Variants in BTNL8 observed in about 807,000 individuals in gnomAD.
BTNL8 encodes butyrophilin-like protein 8.
BTNL8 carries 22 observed loss-of-function variants against 36.1 expected under a neutral mutation model. The observed-to-expected ratio is 0.61, with a 90% CI of 0.44 to 0.87. The LOEUF is 0.87. BTNL8 is among the 40% of genes least tolerant of loss of function. The pLI is 0.00. For synonymous variants in BTNL8, 203 were observed against 235.6 expected (o/e 0.86, Z 1.27); for missense variants, 526 against 616.9 (o/e 0.85, Z 1.56).
intron 3 of BTNL8, among the ~76,000 whole-genome samples, chr5:180,928,707 G>T (rs1758222031): frequency 6.6e-6 from 1 of 152,126 alleles, no homozygotes; most frequent in Admixed American, 6.5e-5. Flanking sequence ...AAGATCAAAA[G>T]AGACAAAGAA....
rs372942569 is a variant in BTNL8, at chr5:180,950,402, G to A, written c.1361G>A (p.Gly454Glu). 26 of 1,462,892 alleles carry A rather than the reference G, an allele frequency of 1.8e-5. 4 individuals are homozygous for A. The African/African-American group carries it at 3.3e-4, about 19-fold the overall frequency. The allele number at this position is 1,462,892 out of a possible 1,614,324, so 90.6% of individuals were successfully genotyped here. A position where few individuals can be genotyped will look rare whatever the true frequency, so the allele number is the denominator to read the frequency against. The change falls in exon 8 of 8, where the codon GGA (glycine) becomes GAA (glutamate). Residue 454 changes from glycine (G) to glutamate (E), a missense_variant. Coordinates refer to ENST00000340184, the MANE Select transcript of BTNL8 (RefSeq NM_001040462.3). ...IEYPSYNEQN[G>E]TPIVICPVTQ... ...TATCCGTCCTATAATGAGCAAAATG[G>A]AACTCCCATAGTCATCTGCCCAGTC... is the stretch of plus-strand genomic sequence containing the variant.
rs139389914 is a variant in BTNL8, at chr5:180,911,980, G to T, written c.673+366G>T. ...AGATTCACATTTGAATTGGTAAACT[G>T]AGTAAAGAAGATTGCCCTCCATAAT... is the stretch of plus-strand genomic sequence containing the variant. On this transcript the variant is annotated intron_variant, in intron 3 of 7. Transcript: ENST00000340184. 4.1e-3 allele frequency among the ~76,000 whole-genome samples: 628 copies of T among 152,314 alleles called. 7 individuals carry two copies. Among genetic ancestry groups the T allele is most frequent in the African/African-American group, 0.015 (603 of 41,566 alleles).
At chr5:180,922,432 C>A (rs192412030) in intron 3 of BTNL8, among the ~76,000 whole-genome samples, 1 of 151,640 alleles carries the variant, frequency 6.6e-6, no homozygotes, top group Non-Finnish European at 1.5e-5. Flanking sequence ...TTAATTTCTG[C>A]CTTAATTTCA....
intron 1 of BTNL8, among the ~76,000 whole-genome samples, chr5:180,905,110 C>T (rs1193228249): frequency 6.6e-6 from 1 of 151,106 alleles, no homozygotes; most frequent in African/African-American, 2.5e-5. Flanking sequence ...GGTACCAGTT[C>T]CTCCTTGTAC....
At position 180,949,376 on chromosome 5, in the gene BTNL8, C is replaced by T. The variant is rs976515008; in HGVS notation, c.862+111C>T. ...CAGAGTGATGCTGAGACCCATCCTG[C>T]CTGCAGATGGAGAAACTGGATGCTT... On this transcript the variant is annotated intron_variant, in intron 7 of 7. Coordinates refer to ENST00000340184, the MANE Select transcript of BTNL8 (RefSeq NM_001040462.3). 4.3e-6 allele frequency: 6 copies of T among 1,384,908 alleles called. 2 individuals are homozygous for T. In the Admixed American group the frequency reaches 1.3e-4, roughly 29 times the overall value. The allele number at this position is 1,384,908 out of a possible 1,614,324, so 85.8% of individuals were successfully genotyped here.
At chr5:180,925,473 C>T (rs934373196) in intron 3 of BTNL8, among the ~76,000 whole-genome samples, 1 of 152,178 alleles carries the variant, frequency 6.6e-6, no homozygotes, top group Non-Finnish European at 1.5e-5. Flanking sequence ...AGCAGCAATC[C>T]TGCATGCCAG....
intron 3 of BTNL8, among the ~76,000 whole-genome samples, chr5:180,917,977 T>C (rs1192032049): frequency 6.8e-6 from 1 of 147,412 alleles, no homozygotes; most frequent in Non-Finnish European, 1.5e-5. Context: ...TGCAGTGAGC[T>C]GAGATGGCGC....
Position 180,903,325 on chromosome 5 carries a change from T to G in BTNL8, c.49+3966T>G, listed in dbSNP as rs2113762296. ...TTTTTGGCTGCATAAATGTCTTCTT[T>G]TGAGAAGTGTCTGTTCATGTCCTTT... On this transcript the variant is annotated intron_variant, in intron 1 of 7. Transcript: ENST00000340184. 1.8e-5 allele frequency among the ~76,000 whole-genome samples: 2 copies of G among 112,580 alleles called. 1 individual carries two copies. The highest frequency in any genetic ancestry group is 3.5e-5 in the Non-Finnish European group (2 of 57,868). The allele number at this position is 112,580 out of a possible 152,430, so 73.9% of individuals were successfully genotyped here.
chr5:180,949,714 G>A, intron 7 of BTNL8, 190 bp from the exon 8 acceptor site: 2 of 701,088 alleles, frequency 2.9e-6, no homozygotes, highest in Non-Finnish European at 4.6e-6. Context: ...GACATATCTA[G>A]ACATTGATGA....
At chr5:180,931,713 A>C (rs1017212117) in intron 3 of BTNL8, among the ~76,000 whole-genome samples, 1 of 152,240 alleles carries the variant, frequency 6.6e-6, no homozygotes, top group Non-Finnish European at 1.5e-5. Flanking sequence ...AAAAAAGCTC[A>C]TCATCACTGG....
intron 3 of BTNL8, among the ~76,000 whole-genome samples, chr5:180,942,650 A>G (rs1295454603): frequency 6.6e-6 from 1 of 152,196 alleles, no homozygotes; most frequent in East Asian, 1.9e-4. Context: ...ATTTACAGTC[A>G]GCTCACTTTT....
chr5:180,936,311 T>C (rs1758652788), intron 3 of BTNL8, among the ~76,000 whole-genome samples: 1 of 152,092 alleles, frequency 6.6e-6, no homozygotes. Flanking sequence ...TTGTCTCTAT[T>C]TAGTAATAAC....
chr5:180,941,090 GAGGGAGGGAGGAAGGA>G (rs558780538), intron 3 of BTNL8, among the ~76,000 whole-genome samples: 1 of 37,042 alleles, frequency 2.7e-5, no homozygotes, highest in South Asian at 4.9e-4. Flanking sequence ...AGGTGGAAGG[GAGGGAGGGAGGAAGGA>G]AGGGAGGAAG....
intron 3 of BTNL8, among the ~76,000 whole-genome samples, chr5:180,924,897 A>G (rs984670382): frequency 2.0e-5 from 3 of 152,240 alleles, no homozygotes; most frequent in African/African-American, 7.2e-5. Flanking sequence ...AAATGCAGAT[A>G]GAAAATAAAT....
At chr5:180,946,591 T>C (rs1280804026) in intron 3 of BTNL8, among the ~76,000 whole-genome samples, 2 of 152,154 alleles carry the variant, frequency 1.3e-5, no homozygotes, top group Non-Finnish European at 2.9e-5. Context: ...GAGTAGAATG[T>C]TACCAGAGGC....
chr5:180,912,177 T>C (rs1287126616), intron 3 of BTNL8, among the ~76,000 whole-genome samples: 5 of 152,190 alleles, frequency 3.3e-5, no homozygotes, highest in Non-Finnish European at 5.9e-5. Flanking sequence ...GCTCTTTCTA[T>C]GTCTTGAGCC....
intron 3 of BTNL8, among the ~76,000 whole-genome samples, chr5:180,933,038 T>C (rs894885629): frequency 3.4e-5 from 5 of 148,856 alleles, no homozygotes; most frequent in Non-Finnish European, 7.4e-5. Flanking sequence ...GCTATACTTA[T>C]ATGAGACAAA....
intron 3 of BTNL8, among the ~76,000 whole-genome samples, chr5:180,928,855 A>C (rs1455960519): frequency 6.6e-6 from 1 of 152,234 alleles, no homozygotes; most frequent in African/African-American, 2.4e-5. Flanking sequence ...ACTCCCACAC[A>C]ATAATAGTGG....
intron 3 of BTNL8, among the ~76,000 whole-genome samples, chr5:180,912,176 A>G (rs1488418863): frequency 6.6e-6 from 1 of 152,026 alleles, no homozygotes; most frequent in Admixed American, 6.5e-5. Context: ...GGCTCTTTCT[A>G]TGTCTTGAGC....
Sources: gnomAD v4.1 joint callset for allele counts (sites outside exome capture counted in the v4.1 genomes callset) on GRCh38, gnomAD v4.1.1 for gene constraint, MANE v1.5 for transcripts, NCBI Gene and HGNC (gene_info 2026-07-23, HGNC 2026-07-21) for gene names.